Variants in PAXBP1 observed in about 807,000 individuals in gnomAD.
PAXBP1 encodes PAX3- and PAX7-binding protein 1.
PAXBP1 carries 44 observed loss-of-function variants against 119.9 expected under a neutral mutation model. The ratio of observed to expected loss-of-function variants is 0.37; its 90% CI spans 0.29 to 0.47. The LOEUF (loss-of-function observed/expected upper bound fraction) is 0.47, where lower values mean the gene tolerates loss of function less well. PAXBP1 is among the 20% of genes least tolerant of loss of function. The pLI is 0.99. For synonymous variants in PAXBP1, 393 were observed against 406.6 expected (o/e 0.97, Z 0.40); for missense variants, 898 against 1,134.1 (o/e 0.79, Z 2.99).
In PAXBP1 at chr21:32,771,729, G is replaced by C; in HGVS notation, c.-61C>G. The C allele has an allele frequency of 7.8e-7, 1 of 1,289,426 alleles. No homozygotes were observed. The highest frequency in any genetic ancestry group is 9.9e-7 in the Non-Finnish European group (1 of 1,006,908). 79.9% of individuals were successfully genotyped at this position (1,289,426 alleles called of 1,614,324 possible). A position where few individuals can be genotyped will look rare whatever the true frequency, so the allele number is the denominator to read the frequency against. On this transcript the variant is annotated 5_prime_UTR_variant, in exon 1 of 18. Coordinates refer to ENST00000331923, the MANE Select transcript of PAXBP1 (RefSeq NM_016631.4). Reference sequence around the variant, plus strand: ...CACACCGCGGCCCCGGCAGCGCCGAGCTCGTGACGGCGCACGCGCGCTCTC... The same window carrying C: ...CACACCGCGGCCCCGGCAGCGCCGACCTCGTGACGGCGCACGCGCGCTCTC...
chr21:32,768,052 A>G (rs917533525), intron 2 of PAXBP1, among the ~76,000 whole-genome samples: 1 of 152,192 alleles, frequency 6.6e-6, no homozygotes, highest in African/African-American at 2.4e-5. Flanking sequence ...CTATGGTTTG[A>G]GTGTCCTCTC....
In PAXBP1 at chr21:32,760,898, CGTGCGT is replaced by C. The variant is rs1165974085; in HGVS notation, c.975+155_975+160del. Among the ~76,000 whole-genome samples, 677 of 121,546 alleles carry C rather than the reference CGTGCGT, an allele frequency of 5.6e-3. 3 individuals carry two copies. Among genetic ancestry groups the C allele is most frequent in the African/African-American group, 0.015 (503 of 34,562 alleles). The allele number at this position is 121,546 out of a possible 152,430, so 79.7% of individuals were successfully genotyped here. ...AAGCCTACGTGTCTCTGTGTGCGTG[CGTGCGT>C]GTGTGTGTGTGTGTGTGTGTGTGTG... On this transcript the variant is annotated intron_variant, in intron 5 of 17. Coordinates refer to ENST00000331923, the MANE Select transcript of PAXBP1 (RefSeq NM_016631.4).
chr21:32,756,669 T>G, intron 7 of PAXBP1: 1 of 251,720 alleles, frequency 4.0e-6, no homozygotes, highest in South Asian at 4.2e-5. Flanking sequence ...CCTCATTTTT[T>G]TTTTTAAACC....
intron 2 of PAXBP1, among the ~76,000 whole-genome samples, chr21:32,767,807 T>C (rs545808787): frequency 6.6e-6 from 1 of 152,364 alleles, no homozygotes; most frequent in East Asian, 1.9e-4. Context: ...GTCTTGGGTA[T>C]GTCTTTATCA....
At chr21:32,742,144 T>C (rs912979565) in intron 15 of PAXBP1, 4 of 152,258 alleles carry the variant, frequency 2.6e-5, no homozygotes, top group Non-Finnish European at 4.4e-5. Context: ...AAGTTGTACA[T>C]ATCTTGATTT....
intron 8 of PAXBP1, among the ~76,000 whole-genome samples, chr21:32,753,453 T>C (rs2043994144): frequency 6.7e-6 from 1 of 148,324 alleles, no homozygotes; most frequent in Non-Finnish European, 1.5e-5. Flanking sequence ...AAAAACATTA[T>C]ACTTAAAACA....
At chr21:32,768,836 T>C (rs1226230209) in intron 2 of PAXBP1, among the ~76,000 whole-genome samples, 1 of 152,260 alleles carries the variant, frequency 6.6e-6, no homozygotes, top group African/African-American at 2.4e-5. Context: ...TCATCTACTC[T>C]GACCTGTCAG....
chr21:32,744,288 AG>A lies in PAXBP1; in HGVS notation c.2190+503del, dbSNP rs1410386335. Among the ~76,000 whole-genome samples, 784 of 149,022 alleles carry A rather than the reference AG, an allele frequency of 5.3e-3. 8 individuals are homozygous for A. The highest frequency in any genetic ancestry group is 8.5e-3 in the Non-Finnish European group (568 of 66,996). The stretch of plus-strand genomic sequence containing the variant: ...AAAAAAAAAAAAAAGAAAAAAAAAA[AG>A]GAGGGGGGCGGGGTCTGTGCATAAA... On this transcript the variant is annotated intron_variant, in intron 13 of 17. Transcript: ENST00000331923.
chr21:32,748,258 G>T (rs1476112239), intron 11 of PAXBP1, among the ~76,000 whole-genome samples: 1 of 151,794 alleles, frequency 6.6e-6, no homozygotes, highest in Non-Finnish European at 1.5e-5. Flanking sequence ...GCTGAAAAAA[G>T]GATTATATGT....
intron 17 of PAXBP1, among the ~76,000 whole-genome samples, chr21:32,735,554 T>G (rs957629884): frequency 1.3e-5 from 2 of 152,244 alleles, no homozygotes; most frequent in African/African-American, 4.8e-5. Flanking sequence ...CTGACTTTCC[T>G]TATCACTCCA....
Position 32,771,311 on chromosome 21 carries a change from A to C in PAXBP1, c.343+15T>G, listed in dbSNP as rs1258853200. ...GGATGCGGCCGTCTAAGGGCGTCCG[A>C]AGCGCGCACTTTACCTTCCTCCTCG... On this transcript the variant is annotated intron_variant, in intron 1 of 17. Transcript: ENST00000331923. The C allele has an allele frequency of 1.9e-6, 3 of 1,572,080 alleles. No individual in the cohort carries two copies. Among genetic ancestry groups the C allele is most frequent in the Non-Finnish European group, 2.6e-6 (3 of 1,167,172 alleles).
intron 14 of PAXBP1, 85 bp from the exon 15 acceptor site, chr21:32,743,399 A>G: frequency 2.2e-6 from 2 of 894,504 alleles, no homozygotes; most frequent in Non-Finnish European, 1.7e-6. Context: ...ATTTTTCTAC[A>G]AAACAGGTAA....
At chr21:32,735,201 T>A in intron 17 of PAXBP1, 134 bp from the exon 18 acceptor site, 1 of 643,912 alleles carries the variant, frequency 1.6e-6, no homozygotes, top group Non-Finnish European at 2.7e-6. Context: ...AGGAAACAGA[T>A]ATGCAAGCTA....
At chr21:32,745,066 T>C (rs1218562162) in intron 12 of PAXBP1, among the ~76,000 whole-genome samples, 153 bp from the exon 13 acceptor site, 1 of 152,184 alleles carries the variant, frequency 6.6e-6, no homozygotes, top group Non-Finnish European at 1.5e-5. Context: ...CTGTGGGAAT[T>C]TGGAGGGATA....
intron 5 of PAXBP1, among the ~76,000 whole-genome samples, 157 bp downstream of exon 5, chr21:32,760,900 TGC>T (rs66911806): frequency 0.31 from 43,393 of 141,180 alleles, 6,233 homozygotes; most frequent in East Asian, 0.47. Flanking sequence ...TGTGCGTGCG[TGC>T]GTGTGTGTGT....
chr21:32,738,330 GA>G lies in PAXBP1; in HGVS notation c.2335-12del. On this transcript the variant is annotated splice_polypyrimidine_tract_variant and intron_variant, in intron 15 of 17. Transcript: ENST00000331923. ...AAAATTGCCTAACAGCTGGAAAGAA[GA>G]AAAAAAATAGGTAATGTGAAACAAT... is the stretch of plus-strand genomic sequence containing the variant. The G allele has an allele frequency of 1.6e-5, 25 of 1,566,266 alleles. No individual in the cohort carries two copies. The highest frequency in any genetic ancestry group is 1.7e-4 in the Middle Eastern group (1 of 5,924).
rs779038142 is a variant in PAXBP1, at chr21:32,736,213, G to A, written c.2636+1041C>T. On this transcript the variant is annotated intron_variant, in intron 17 of 17. Coordinates refer to ENST00000331923, the MANE Select transcript of PAXBP1 (RefSeq NM_016631.4). ...CTTTTTTGTTGTTGTTTTTTGAGAC[G>A]GAGTGTTGGTCTTTCACCAGGCTGG... Among the ~76,000 whole-genome samples the A allele has an allele frequency of 7.2e-5, 11 of 152,096 alleles. 1 individual carries two copies. Among genetic ancestry groups the A allele is most frequent in the South Asian group, 6.2e-4 (3 of 4,822 alleles).
At chr21:32,755,155 T>C in intron 8 of PAXBP1, 75 bp downstream of exon 8, 1 of 1,314,958 alleles carries the variant, frequency 7.6e-7, no homozygotes, top group Non-Finnish European at 1.0e-6. Context: ...CTCCAAGATC[T>C]CTAATTTTCA....
chr21:32,757,680 C>T (rs558274907), intron 7 of PAXBP1, among the ~76,000 whole-genome samples: 7 of 152,238 alleles, frequency 4.6e-5, no homozygotes, highest in South Asian at 2.1e-4. Context: ...AAGAAAGTTC[C>T]GAAGCAAGCG....
Sources: gnomAD v4.1 joint callset for allele counts (sites outside exome capture counted in the v4.1 genomes callset) on GRCh38, gnomAD v4.1.1 for gene constraint, MANE v1.5 for transcripts, NCBI Gene and HGNC (gene_info 2026-07-23, HGNC 2026-07-21) for gene names.